NEO1: variants seen among roughly 807,000 people sequenced by gnomAD.
NEO1 encodes neogenin 1.
Under a neutral mutation model 159.7 loss-of-function variants are expected in NEO1, and 63 were observed. That is an observed-to-expected ratio of 0.39 (90% confidence interval 0.32 to 0.49). The LOEUF (loss-of-function observed/expected upper bound fraction) is 0.49. Ranked by LOEUF, NEO1 falls within the 20% of genes least tolerant of loss-of-function variation. The pLI, the probability that NEO1 is intolerant of heterozygous loss-of-function variation, is 0.85. For missense variants in NEO1, 1,615 were observed against 1,831.0 expected, an observed-to-expected ratio of 0.88 and a Z score of 2.15; for synonymous variants, 633 against 662.0, an observed-to-expected ratio of 0.96 and a Z score of 0.67.
rs569828286 is a variant in NEO1, at chr15:73,293,639, A to C, written c.3901+91A>C. 5,669 of 1,349,892 alleles carry C rather than the reference A, an allele frequency of 4.2e-3. 28 individuals are homozygous for C. Among genetic ancestry groups the C allele is most frequent in the Non-Finnish European group, 5.1e-3 (5,128 of 1,000,948 alleles). 83.6% of individuals were successfully genotyped at this position (1,349,892 alleles called of 1,614,324 possible). A position where few individuals can be genotyped will look rare whatever the true frequency, so the allele number is the denominator to read the frequency against. ...AGGACTTGCCCTACTTAGAAGAGGGATTTGGAATTTTTCTGTTTTATTTAA... is the reference window on the plus strand; with the variant it reads ...AGGACTTGCCCTACTTAGAAGAGGGCTTTGGAATTTTTCTGTTTTATTTAA... On this transcript the variant is annotated intron_variant, in intron 26 of 28. Coordinates refer to ENST00000261908, the MANE Select transcript of NEO1 (RefSeq NM_002499.4).
chr15:73,199,819 G>T (rs899265600), intron 7 of NEO1, among the ~76,000 whole-genome samples: 2 of 152,156 alleles, frequency 1.3e-5, no homozygotes, highest in Non-Finnish European at 2.9e-5. Context: ...TTTCCAAGAT[G>T]GTGCCTTATT....
chr15:73,216,459 G>A (rs2037892121), intron 7 of NEO1, among the ~76,000 whole-genome samples: 1 of 152,160 alleles, frequency 6.6e-6, no homozygotes, highest in South Asian at 2.1e-4. Flanking sequence ...GTAATGGGAT[G>A]GCTGGGTCAA....
chr15:73,243,604 G>C (rs1169329786), intron 8 of NEO1, among the ~76,000 whole-genome samples: 1 of 152,152 alleles, frequency 6.6e-6, no homozygotes, highest in Non-Finnish European at 1.5e-5. Context: ...TGGTCACACA[G>C]ACCCCAAGAC....
chr15:73,174,810 A>C (rs2035188736), intron 5 of NEO1, among the ~76,000 whole-genome samples: 2 of 152,232 alleles, frequency 1.3e-5, no homozygotes, highest in South Asian at 4.1e-4. Flanking sequence ...ACAAAAGAAT[A>C]AATACAAAAG....
chr15:73,136,380 T>C (rs1236826223), intron 5 of NEO1, among the ~76,000 whole-genome samples: 1 of 152,114 alleles, frequency 6.6e-6, no homozygotes, highest in Non-Finnish European at 1.5e-5. Flanking sequence ...TTACTATTTG[T>C]AGTGGTGGTG....
chr15:73,167,664 A>G (rs1443960047), intron 5 of NEO1, among the ~76,000 whole-genome samples: 2 of 152,224 alleles, frequency 1.3e-5, no homozygotes, highest in Non-Finnish European at 2.9e-5. Flanking sequence ...GTGTATACAT[A>G]CAATATTGAG....
At chr15:73,096,636 G>C (rs1247850084) in intron 1 of NEO1, among the ~76,000 whole-genome samples, 1 of 152,118 alleles carries the variant, frequency 6.6e-6, no homozygotes, top group Non-Finnish European at 1.5e-5. Flanking sequence ...AAATTGCACA[G>C]GAAAGCTTCA....
chr15:73,280,137 C>T (rs1596574913), intron 22 of NEO1, among the ~76,000 whole-genome samples: 1 of 151,966 alleles, frequency 6.6e-6, no homozygotes, highest in South Asian at 2.1e-4. Flanking sequence ...GGAGCTGTTA[C>T]AGGCCAGGCG....
chr15:73,114,088 C>G (rs1309465141), intron 1 of NEO1, among the ~76,000 whole-genome samples: 1 of 152,122 alleles, frequency 6.6e-6, no homozygotes, highest in Non-Finnish European at 1.5e-5. Context: ...ACCATGCTTG[C>G]TTAGAACAGG....
chr15:73,122,154 CAT>C (rs199935497), intron 2 of NEO1, among the ~76,000 whole-genome samples: 56 of 144,058 alleles, frequency 3.9e-4, no homozygotes, highest in Non-Finnish European at 6.8e-4. Context: ...AAAATGTGTA[CAT>C]GTTTCACACA....
chr15:73,285,320 A>C (rs1236166700), intron 23 of NEO1, among the ~76,000 whole-genome samples: 2 of 152,192 alleles, frequency 1.3e-5, no homozygotes, highest in African/African-American at 4.8e-5. Flanking sequence ...GGGTTTCACC[A>C]TGTTGGCCAG....
rs148036770 is a variant in NEO1, at chr15:73,178,799, A to C, written c.1291+372A>C. Among the ~76,000 whole-genome samples the C allele has an allele frequency of 3.3e-3, 505 of 152,254 alleles. 2 individuals are homozygous for C. The highest frequency in any genetic ancestry group is 5.2e-3 in the Non-Finnish European group (354 of 68,010). On this transcript the variant is annotated intron_variant, in intron 7 of 28. Transcript: ENST00000261908. ...CACTTACAAAAAATAACATTCAAAC[A>C]CTGAGAAAACTAAATAACTTTGGAA...
intron 26 of NEO1, among the ~76,000 whole-genome samples, chr15:73,296,058 G>A (rs1042231358): frequency 2.6e-5 from 4 of 152,206 alleles, no homozygotes; most frequent in Non-Finnish European, 5.9e-5. Flanking sequence ...GTGCAAGGCA[G>A]CCCTGGTCTG....
chr15:73,288,993 C>G (rs1249113111), intron 24 of NEO1, 153 bp from the exon 25 acceptor site: 7 of 631,416 alleles, frequency 1.1e-5, no homozygotes, highest in East Asian at 2.8e-5. Context: ...CTCTAATGAT[C>G]ATTTTCCTCT....
At chr15:73,052,412 G>GCGC (rs2067486308), upstream of NEO1, 1 of 8,086 alleles carries the variant, frequency 1.2e-4, no homozygotes, top group Admixed American at 1.5e-3. Context: ...CCGACCCACC[G>GCGC]CCCCCCCCCC....
chr15:73,180,599 A>G (rs1481967238), intron 7 of NEO1, among the ~76,000 whole-genome samples: 1 of 152,206 alleles, frequency 6.6e-6, no homozygotes, highest in Non-Finnish European at 1.5e-5. Flanking sequence ...GCACTTCATT[A>G]TATTTGTGTT....
At chr15:73,294,562 CAG>C (rs1289682592) in intron 26 of NEO1, among the ~76,000 whole-genome samples, 1 of 152,120 alleles carries the variant, frequency 6.6e-6, no homozygotes, top group Non-Finnish European at 1.5e-5. Context: ...GTTTTTGAGA[CAG>C]AGCCTCAGTC....
At chr15:73,184,837 T>C (rs1293342676) in intron 7 of NEO1, among the ~76,000 whole-genome samples, 4 of 151,632 alleles carry the variant, frequency 2.6e-5, no homozygotes, top group Non-Finnish European at 5.9e-5. Context: ...ATGAAGCATG[T>C]GAATCACTTG....
chr15:73,156,267 G>A (rs1456928029), intron 5 of NEO1, among the ~76,000 whole-genome samples: 2 of 152,194 alleles, frequency 1.3e-5, no homozygotes, highest in African/African-American at 2.4e-5. Context: ...CTGTGTGTTA[G>A]TGTGCAGTTA....
Sources: allele counts gnomAD v4.1 joint callset (sites outside exome capture counted in the v4.1 genomes callset), GRCh38; gene constraint gnomAD v4.1.1; transcripts MANE v1.5; gene names NCBI Gene and HGNC (gene_info 2026-07-23, HGNC 2026-07-21).